EPHA6: variants seen among roughly 807,000 people sequenced by gnomAD.
EPHA6 encodes the protein EPH receptor A6, also known as ephrin type-A receptor 6.
EPHA6 carries 50 observed loss-of-function variants against 112.0 expected under a neutral mutation model. The ratio of observed to expected loss-of-function variants is 0.45; its 90% CI spans 0.36 to 0.56. EPHA6 has a LOEUF of 0.56. EPHA6 is among the 20% of genes least tolerant of loss of function. The probability of loss-of-function intolerance (pLI) is 0.00; values close to 1 mark genes in which losing one functional copy is unlikely to be tolerated. For missense variants in EPHA6, 1,280 were observed against 1,417.4 expected, an observed-to-expected ratio of 0.90 and a Z score of 1.56; for synonymous variants, 529 against 490.7, an observed-to-expected ratio of 1.08 and a Z score of -1.03.
rs2032612502 is a variant in EPHA6, at chr3:96,814,736, C to T, written c.113C>T (p.Pro38Leu). 3 of 1,587,224 alleles carry T rather than the reference C, an allele frequency of 1.9e-6. No homozygotes were observed. The highest frequency in any genetic ancestry group is 2.6e-6 in the Non-Finnish European group (3 of 1,166,026). Reference sequence around the variant, plus strand: ...CAGCCTGGACCCTCGTGCCCTGTTCCCGGGACCTCGCGCAGGGGGCGCCCC... The same window carrying T: ...CAGCCTGGACCCTCGTGCCCTGTTCTCGGGACCTCGCGCAGGGGGCGCCCC... ...TGQPGPSCPV[P>L]GTSRRGRPGT... The change falls in exon 1 of 18, where the codon CCC becomes CTC. Residue 38 changes from proline to leucine, a missense_variant. Around this residue, in one of 4 missense-constraint regions of EPHA6, gnomAD observed 220 missense variants for 171.5 expected, o/e 1.28. Coordinates refer to ENST00000389672, the MANE Select transcript of EPHA6 (RefSeq NM_001080448.3).
At chr3:97,740,283 G>A (rs949249701) in intron 16 of EPHA6, among the ~76,000 whole-genome samples, 2 of 152,226 alleles carry the variant, frequency 1.3e-5, no homozygotes, top group Non-Finnish European at 2.9e-5. Flanking sequence ...TTAGGACAGA[G>A]TTTCAATGTA....
At chr3:97,656,373 C>T (rs1458025981) in intron 14 of EPHA6, among the ~76,000 whole-genome samples, 1 of 151,638 alleles carries the variant, frequency 6.6e-6, no homozygotes, top group Admixed American at 6.6e-5. Flanking sequence ...CAGATTCTTC[C>T]CCAGAGTTTA....
intron 3 of EPHA6, among the ~76,000 whole-genome samples, chr3:97,169,150 T>G (rs76860814): frequency 0.013 from 1,989 of 152,310 alleles, 29 homozygotes; most frequent in African/African-American, 0.044. Context: ...GGTTGTTGTT[T>G]CTTCATTTGA....
chr3:97,000,658 T>TA (rs1262421258), intron 3 of EPHA6, among the ~76,000 whole-genome samples: 1 of 151,732 alleles, frequency 6.6e-6, no homozygotes, highest in Non-Finnish European at 1.5e-5. Context: ...AAGTGCCTCT[T>TA]AAAAAACTTG....
chr3:97,114,773 G>A (rs2047831795), intron 3 of EPHA6, among the ~76,000 whole-genome samples: 1 of 151,976 alleles, frequency 6.6e-6, no homozygotes, highest in Admixed American at 6.6e-5. Flanking sequence ...ACATAGGAGG[G>A]ACAAAGATGA....
At chr3:97,413,642 A>C (rs941386510) in intron 6 of EPHA6, among the ~76,000 whole-genome samples, 8 of 152,020 alleles carry the variant, frequency 5.3e-5, no homozygotes, top group African/African-American at 1.9e-4. Context: ...TCTGTCTGGG[A>C]ACTAAAGGAA....
intron 14 of EPHA6, among the ~76,000 whole-genome samples, chr3:97,652,900 C>T (rs1474654243): frequency 6.6e-6 from 1 of 151,852 alleles, no homozygotes; most frequent in African/African-American, 2.4e-5. Flanking sequence ...TGAAGACATT[C>T]TACCTGATAT....
intron 1 of EPHA6, among the ~76,000 whole-genome samples, chr3:96,848,608 G>A (rs1004610228): frequency 3.3e-5 from 5 of 151,990 alleles, no homozygotes; most frequent in African/African-American, 1.2e-4. Context: ...TTGGGTCACA[G>A]AGTGAGACTC....
In EPHA6 at chr3:97,193,671, T is replaced by A. The variant is rs189510706; in HGVS notation, c.1115-32593T>A. Among the ~76,000 whole-genome samples the A allele has an allele frequency of 3.9e-4, 60 of 152,198 alleles. 1 individual carries two copies. Among genetic ancestry groups the A allele is most frequent in the Admixed American group, 9.8e-4 (15 of 15,274 alleles). On this transcript the variant is annotated intron_variant, in intron 3 of 17. Coordinates refer to ENST00000389672, the MANE Select transcript of EPHA6 (RefSeq NM_001080448.3). ...GCTCTAGGTAGGACTTGCAGTATTATGTTCAGTAACAATGGTGACAGTGGG... is the reference window on the plus strand; with the variant it reads ...GCTCTAGGTAGGACTTGCAGTATTAAGTTCAGTAACAATGGTGACAGTGGG...
chr3:97,014,151 A>T (rs1254841802), intron 3 of EPHA6, among the ~76,000 whole-genome samples: 1 of 152,192 alleles, frequency 6.6e-6, no homozygotes, highest in African/African-American at 2.4e-5. Flanking sequence ...TAAGATAGAG[A>T]TAAACAGATA....
At chr3:97,123,285 T>C (rs1248499652) in intron 3 of EPHA6, among the ~76,000 whole-genome samples, 1 of 152,118 alleles carries the variant, frequency 6.6e-6, no homozygotes, top group Non-Finnish European at 1.5e-5. Flanking sequence ...GCTGCCACAA[T>C]ATATTTCCAT....
In EPHA6 at chr3:97,448,700, C is replaced by T; in HGVS notation, c.1864C>T (p.Gln622Ter). Residue 622 changes from glutamine (Q) to a stop codon, truncating the protein, a stop_gained, in exon 7 of 18, where the codon CAG (glutamine) becomes TAG (stop). Transcript: ENST00000389672. LOFTEE classifies it high-confidence loss of function. ...RTATGYSGYS[Q>*]KFEFETGDET... ...TGCGACAGGATACAGTGGCTACAGT[C>T]AGAAATTTGAATTTGAAACAGGAGA... 1.9e-6 allele frequency: 3 copies of T among 1,613,378 alleles called. No homozygotes were observed. The highest frequency in any genetic ancestry group is 2.5e-6 in the Non-Finnish European group (3 of 1,179,518).
At chr3:97,460,523 A>G (rs748676448) in intron 7 of EPHA6, among the ~76,000 whole-genome samples, 1 of 152,216 alleles carries the variant, frequency 6.6e-6, no homozygotes, top group Non-Finnish European at 1.5e-5. Context: ...TAAGCAAAAC[A>G]TTTTATATGC....
At chr3:97,541,422 G>T (rs1385945053) in intron 11 of EPHA6, among the ~76,000 whole-genome samples, 1 of 152,020 alleles carries the variant, frequency 6.6e-6, no homozygotes, top group Non-Finnish European at 1.5e-5. Context: ...TATTAATTAG[G>T]TTGGTGCAAA....
intron 10 of EPHA6, among the ~76,000 whole-genome samples, chr3:97,508,457 T>C (rs887243170): frequency 6.6e-6 from 1 of 152,214 alleles, no homozygotes; most frequent in African/African-American, 2.4e-5. Flanking sequence ...TGAGTTTCCA[T>C]GTAGTTGTGC....
chr3:97,072,757 C>G (rs1347545376), intron 3 of EPHA6, among the ~76,000 whole-genome samples: 1 of 152,074 alleles, frequency 6.6e-6, no homozygotes. Flanking sequence ...ATAAATCACT[C>G]TAGACAAAGT....
At chr3:97,283,447 G>A (rs1377158759) in intron 5 of EPHA6, among the ~76,000 whole-genome samples, 1 of 151,942 alleles carries the variant, frequency 6.6e-6, no homozygotes, top group Non-Finnish European at 1.5e-5. Context: ...ACATTGGCAA[G>A]GAAAATGATA....
intron 5 of EPHA6, among the ~76,000 whole-genome samples, chr3:97,285,119 G>T (rs903146620): frequency 1.4e-4 from 21 of 152,100 alleles, no homozygotes; most frequent in Admixed American, 1.2e-3. Flanking sequence ...CAAATACCAC[G>T]ACTCTTCATC....
intron 11 of EPHA6, among the ~76,000 whole-genome samples, chr3:97,563,195 G>A (rs961523795): frequency 6.6e-6 from 1 of 152,130 alleles, no homozygotes; most frequent in Non-Finnish European, 1.5e-5. Context: ...AAACAAAGAA[G>A]TATAAAGTTA....
Sources: gnomAD v4.1 joint callset for allele counts (sites outside exome capture counted in the v4.1 genomes callset) on GRCh38, gnomAD v4.1.1 for gene constraint, gnomAD v4.1.1 regional missense constraint, MANE v1.5 for transcripts, NCBI Gene and HGNC (gene_info 2026-07-23, HGNC 2026-07-21) for gene names.